ARMH3: variants seen among roughly 807,000 people sequenced by gnomAD.
ARMH3 encodes armadillo-like helical domain-containing protein 3.
A neutral mutation model predicts 99.1 loss-of-function variants in ARMH3; 60 were observed. The ratio of observed to expected loss-of-function variants is 0.61; its 90% CI spans 0.49 to 0.75. ARMH3 has a LOEUF of 0.75. ARMH3 is among the 30% of genes least tolerant of loss of function. The probability of loss-of-function intolerance (pLI) is 0.00; values close to 1 mark genes in which losing one functional copy is unlikely to be tolerated. For synonymous variants in ARMH3, 285 were observed against 292.8 expected, an observed-to-expected ratio of 0.97 and a Z score of 0.27; for missense variants, 679 against 843.1, an observed-to-expected ratio of 0.81 and a Z score of 2.41.
chr10:101,952,736 G>T (rs569207474), intron 22 of ARMH3: 2 of 152,082 alleles, frequency 1.3e-5, no homozygotes, highest in Admixed American at 6.5e-5. Flanking sequence ...TACAATTTAG[G>T]TGTTAAGTAC....
chr10:102,001,705 TAAG>T (rs2066365321), intron 15 of ARMH3, among the ~76,000 whole-genome samples: 2 of 152,206 alleles, frequency 1.3e-5, no homozygotes, highest in African/African-American at 2.4e-5. Flanking sequence ...CAAGATCTGC[TAAG>T]AAGATTTGCT....
intron 23 of ARMH3, among the ~76,000 whole-genome samples, chr10:101,909,168 A>C (rs1842766160): frequency 6.6e-6 from 1 of 151,716 alleles, no homozygotes; most frequent in African/African-American, 2.4e-5. Flanking sequence ...GCACTTTGGG[A>C]GATCGAGGCG....
At chr10:102,053,120 T>C (rs778424746) in intron 1 of ARMH3, among the ~76,000 whole-genome samples, 4 of 150,474 alleles carry the variant, frequency 2.7e-5, no homozygotes, top group African/African-American at 7.4e-5. Flanking sequence ...TCTCAGTCAA[T>C]TGCAACAACT....
chr10:102,031,913 T>C (rs1590210748), intron 4 of ARMH3, among the ~76,000 whole-genome samples: 1 of 152,200 alleles, frequency 6.6e-6, no homozygotes, highest in African/African-American at 2.4e-5. Context: ...TAATTTTTTG[T>C]ATTTTTAGTA....
intron 24 of ARMH3, among the ~76,000 whole-genome samples, chr10:101,872,355 G>A (rs1198003670): frequency 2.0e-5 from 3 of 151,754 alleles, no homozygotes; most frequent in Non-Finnish European, 4.4e-5. Context: ...TTAAAAATAG[G>A]TAAATGATCT....
chr10:101,954,142 T>C (rs1218295255), intron 22 of ARMH3, among the ~76,000 whole-genome samples: 3 of 152,110 alleles, frequency 2.0e-5, no homozygotes, highest in Admixed American at 6.5e-5. Flanking sequence ...CAGTGAGCCA[T>C]AATTGTGCCA....
intron 5 of ARMH3, among the ~76,000 whole-genome samples, chr10:102,026,362 G>A (rs531305932): frequency 5.9e-5 from 9 of 152,224 alleles, no homozygotes; most frequent in African/African-American, 1.9e-4. Flanking sequence ...CATGACCCTT[G>A]CTCTCAAGGT....
intron 19 of ARMH3, among the ~76,000 whole-genome samples, chr10:101,975,508 A>G (rs1845955682): frequency 6.6e-6 from 1 of 152,150 alleles, no homozygotes; most frequent in South Asian, 2.1e-4. Context: ...AGGCAGGTAG[A>G]TCATTTGAGG....
At chr10:101,976,000 C>T (rs147933367) in intron 19 of ARMH3, among the ~76,000 whole-genome samples, 1 of 109,234 alleles carries the variant, frequency 9.2e-6, no homozygotes, top group Non-Finnish European at 2.4e-5. Context: ...TAAAAATATA[C>T]AAAAAATTAG....
chr10:101,863,482 A>G (rs2066919836), intron 24 of ARMH3, among the ~76,000 whole-genome samples: 1 of 152,234 alleles, frequency 6.6e-6, no homozygotes, highest in Non-Finnish European at 1.5e-5. Flanking sequence ...TCAGTAACTA[A>G]TAGAACAAAT....
At chr10:102,027,274 G>A (rs1223955447) in intron 5 of ARMH3, among the ~76,000 whole-genome samples, 12 of 129,208 alleles carry the variant, frequency 9.3e-5, no homozygotes, top group Admixed American at 3.4e-4. Context: ...GTGAGATTCC[G>A]TCTCAAAAAA....
chr10:101,966,532 G>A (rs920976843), intron 20 of ARMH3, among the ~76,000 whole-genome samples: 3 of 151,826 alleles, frequency 2.0e-5, no homozygotes, highest in East Asian at 1.9e-4. Context: ...GGGATTATAC[G>A]TGTGAGCCCC....
intron 22 of ARMH3, among the ~76,000 whole-genome samples, chr10:101,950,994 A>T (rs1844758575): frequency 6.6e-6 from 1 of 152,238 alleles, no homozygotes; most frequent in African/African-American, 2.4e-5. Context: ...AAATTTTAAA[A>T]AGTAGTGTTT....
intron 1 of ARMH3, among the ~76,000 whole-genome samples, chr10:102,040,777 C>T (rs559774467): frequency 3.3e-5 from 5 of 152,278 alleles, no homozygotes; most frequent in Admixed American, 1.3e-4. Context: ...GCAAAGCACA[C>T]ACTGCCCACA....
chr10:101,953,159 C>G (rs1196201025), intron 22 of ARMH3, among the ~76,000 whole-genome samples: 1 of 152,066 alleles, frequency 6.6e-6, no homozygotes, highest in African/African-American at 2.4e-5. Flanking sequence ...AGATAGGGTA[C>G]CACTCTGTCA....
intron 23 of ARMH3, among the ~76,000 whole-genome samples, chr10:101,914,529 C>T (rs1376465577): frequency 2.0e-5 from 3 of 151,248 alleles, no homozygotes; most frequent in Admixed American, 6.6e-5. Context: ...TAACATAAAC[C>T]GTTATCTCAC....
chr10:102,023,572 A>G lies in ARMH3; in HGVS notation c.583-9T>C. ...GGGGGATGGGAAAGTATCTGTAACA[A>G]GAACCAAAAATGCATGAGACTGCTA... On this transcript the variant is annotated splice_polypyrimidine_tract_variant and intron_variant, in intron 7 of 25. Coordinates refer to ENST00000370033, the MANE Select transcript of ARMH3 (RefSeq NM_024541.3). 1 of 1,613,604 alleles carries G rather than the reference A, an allele frequency of 6.2e-7. No individual in the cohort carries two copies. Among genetic ancestry groups the G allele is most frequent in the Non-Finnish European group, 8.5e-7 (1 of 1,179,570 alleles).
rs961346897 is a variant in ARMH3, at chr10:102,007,656, TAAAAAA to T, written c.955-1029_955-1024del. ...TAACACAGTGAAACTCTGTCTCTAC[TAAAAAA>T]AAAAAAAAAAAAAAAAAAAAATTAG... On this transcript the variant is annotated intron_variant, in intron 13 of 25. Coordinates refer to ENST00000370033, the MANE Select transcript of ARMH3 (RefSeq NM_024541.3). 8.1e-3 allele frequency among the ~76,000 whole-genome samples: 447 copies of T among 54,964 alleles called. 3 individuals are homozygous for T. The highest frequency in any genetic ancestry group is 0.012 in the Non-Finnish European group (361 of 29,432). The allele number at this position is 54,964 out of a possible 152,430, so 36.1% of individuals were successfully genotyped here.
At position 102,040,012 on chromosome 10, in the gene ARMH3, C is replaced by A; in HGVS notation, c.102+1G>T. On this transcript the variant is annotated splice_donor_variant, in intron 2 of 25. Coordinates refer to ENST00000370033, the MANE Select transcript of ARMH3 (RefSeq NM_024541.3). LOFTEE classifies it high-confidence loss of function. ...GTACACAACAAGGCCGCAGGCCTTACCATGAAGATCTCATCATACATCAGC... is the reference window on the plus strand; with the variant it reads ...GTACACAACAAGGCCGCAGGCCTTAACATGAAGATCTCATCATACATCAGC... 6.2e-7 allele frequency: 1 copy of A among 1,613,010 alleles called. No individual in the cohort carries two copies. The highest frequency in any genetic ancestry group is 8.5e-7 in the Non-Finnish European group (1 of 1,178,980).
Sources: allele counts gnomAD v4.1 joint callset (sites outside exome capture counted in the v4.1 genomes callset), GRCh38; gene constraint gnomAD v4.1.1; transcripts MANE v1.5; gene names NCBI Gene and HGNC (gene_info 2026-07-23, HGNC 2026-07-21).